KLHDC4: variants seen among roughly 807,000 people sequenced by gnomAD.
The protein encoded by KLHDC4 is kelch domain containing 4, also known as kelch domain-containing protein 4.
Under a neutral mutation model 62.4 loss-of-function variants are expected in KLHDC4, and 90 were observed. That is an observed-to-expected ratio of 1.44 (90% confidence interval 1.22 to 1.72). The LOEUF is 1.72. Among genes scored for constraint, KLHDC4 ranks in the 40% most tolerant of loss-of-function variants. The pLI, the probability that KLHDC4 is intolerant of heterozygous loss-of-function variation, is 0.00. For synonymous variants in KLHDC4, 386 were observed against 284.4 expected (o/e 1.36, Z -3.59); for missense variants, 1,025 against 699.7 (o/e 1.47, Z -5.25).
chr16:87,759,598 T>G (rs1479981579), intron 2 of KLHDC4, among the ~76,000 whole-genome samples: 1 of 151,836 alleles, frequency 6.6e-6, no homozygotes, highest in African/African-American at 2.4e-5. Context: ...AATACAAAAT[T>G]AGCCGGGCGT....
chr16:87,704,973 C>T (rs1290930887), downstream of KLHDC4, among the ~76,000 whole-genome samples: 2 of 152,110 alleles, frequency 1.3e-5, no homozygotes, highest in South Asian at 2.1e-4. Flanking sequence ...TAAAATCCCA[C>T]AAAGCCCTGC....
At position 87,749,582 on chromosome 16, in the gene KLHDC4, G is replaced by C. The variant is rs1278020066; in HGVS notation, c.370-773C>G. ...AAAAAAAAAAAAAAAGAAAGAAAGTGTTTATGTTTTTTCCTTTTAGAGACC... is the reference window on the plus strand; with the variant it reads ...AAAAAAAAAAAAAAAGAAAGAAAGTCTTTATGTTTTTTCCTTTTAGAGACC... On this transcript the variant is annotated intron_variant, in intron 4 of 11. Transcript: ENST00000270583. Among the ~76,000 whole-genome samples, 6 of 150,708 alleles carry C rather than the reference G, an allele frequency of 4.0e-5. No individual in the cohort carries two copies. The Admixed American group carries it at 4.0e-4, about 10-fold the overall frequency.
intron 9 of KLHDC4, chr16:87,709,908 G>C (rs566396539): frequency 3.6e-6 from 2 of 555,920 alleles, no homozygotes. Context: ...CCCCCACTGC[G>C]TGTCCTCACT....
intron 1 of KLHDC4, 45 bp from the exon 2 acceptor site, chr16:87,762,085 C>T (rs372193869): frequency 2.4e-5 from 38 of 1,602,166 alleles, no homozygotes; most frequent in Middle Eastern, 3.7e-4. Context: ...TCCCAGGACC[C>T]GCCGCGGAGC....
intron 4 of KLHDC4, among the ~76,000 whole-genome samples, chr16:87,753,698 G>T (rs2044386189): frequency 6.6e-6 from 1 of 152,100 alleles, no homozygotes. Context: ...CTACTTGGGA[G>T]GCTAAGGCAG....
intron 5 of KLHDC4, among the ~76,000 whole-genome samples, chr16:87,735,278 C>A (rs2041114829): frequency 1.5e-5 from 2 of 137,114 alleles, no homozygotes; most frequent in African/African-American, 2.7e-5. Flanking sequence ...CCAGCCTGGG[C>A]AACACAGCGA....
exon 1 of KLHDC4, chr16:87,700,770 G>A (rs2034106820): frequency 4.7e-6 from 1 of 214,674 alleles, no homozygotes; most frequent in Non-Finnish European, 8.9e-6. Flanking sequence ...GAGGAGATTG[G>A]AGGGCGGAGG....
rs2035271086 is a variant in KLHDC4 at position 87,709,183 on chromosome 16, G to A, written c.1447+82C>T. On this transcript the variant is annotated intron_variant, in intron 10 of 11. Coordinates refer to ENST00000270583, the MANE Select transcript of KLHDC4 (RefSeq NM_017566.4). ...GGCACAGGCCGCCTCTGGGCAGCTT[G>A]CAGGGCTTGCTTTCGAGGGACGCGA... is the stretch of plus-strand genomic sequence containing the variant. 5.3e-6 allele frequency: 8 copies of A among 1,516,378 alleles called. No homozygotes were observed. In the Admixed American group the frequency reaches 1.3e-4, roughly 24 times the overall value. The allele number at this position is 1,516,378 out of a possible 1,614,324, so 93.9% of individuals were successfully genotyped here.
At chr16:87,744,158 G>A (rs2042669209) in intron 5 of KLHDC4, among the ~76,000 whole-genome samples, 25 of 152,140 alleles carry the variant, frequency 1.6e-4, no homozygotes, top group Admixed American at 1.6e-3. Flanking sequence ...GCTCATGCCT[G>A]TAATCCCAGC....
chr16:87,746,919 G>A (rs1025995070), intron 5 of KLHDC4, among the ~76,000 whole-genome samples: 9 of 152,212 alleles, frequency 5.9e-5, no homozygotes, highest in Admixed American at 1.3e-4. Flanking sequence ...TCCAGACCCA[G>A]GGCAGCTGCC....
chr16:87,748,620 C>T lies in KLHDC4; in HGVS notation c.506+53G>A, dbSNP rs1332429611. The T allele has an allele frequency of 1.9e-6, 3 of 1,609,490 alleles. No individual in the cohort carries two copies. The East Asian group carries it at 6.7e-5, about 36-fold the overall frequency. On this transcript the variant is annotated intron_variant, in intron 5 of 11. Transcript: ENST00000270583. ...CTGCTCCGAGCACTCGGGCTCAGCACACAAGCACAGAAGAGCCATGCCCGG... is the reference window on the plus strand; with the variant it reads ...CTGCTCCGAGCACTCGGGCTCAGCATACAAGCACAGAAGAGCCATGCCCGG...
chr16:87,703,783 AGCTTCCGGCAGGGACT>A (rs1283023257), downstream of KLHDC4, among the ~76,000 whole-genome samples: 2 of 152,220 alleles, frequency 1.3e-5, no homozygotes, highest in Non-Finnish European at 2.9e-5. Context: ...ACAGTGTGTC[AGCTTCCGGCAGGGACT>A]GCTTGTGTGC....
intron 1 of KLHDC4, 50 bp from the exon 2 acceptor site, chr16:87,762,090 C>T (rs1454589603): frequency 5.0e-6 from 8 of 1,601,224 alleles, no homozygotes; most frequent in Admixed American, 1.7e-5. Flanking sequence ...GGACCCGCCG[C>T]GGAGCCACAG....
intron 2 of KLHDC4, among the ~76,000 whole-genome samples, chr16:87,761,304 T>A (rs886240160): frequency 1.1e-4 from 17 of 152,172 alleles, no homozygotes; most frequent in Non-Finnish European, 1.3e-4. Flanking sequence ...TGCGCCTCAT[T>A]AATGCAAACG....
Position 87,709,640 on chromosome 16 carries a change from T to G in KLHDC4, c.1072A>C (p.Arg358=). 2 of 1,605,222 alleles carry G rather than the reference T, an allele frequency of 1.2e-6. No individual in the cohort carries two copies. Among genetic ancestry groups the G allele is most frequent in the South Asian group, 1.1e-5 (1 of 90,100 alleles). ...TCGGGCTCCTCTTTTCTGCCCCGCCTGCGTTTCTTCTTTTCAGACTTGGGT... is the reference window on the plus strand; with the variant it reads ...TCGGGCTCCTCTTTTCTGCCCCGCCGGCGTTTCTTCTTTTCAGACTTGGGT... ...KGPKSEKKKR[R]RGRKEEPEGG... Residue 358 remains arginine, a synonymous_variant, in exon 10 of 12, where the codon AGG becomes CGG. Transcript: ENST00000270583.
chr16:87,765,200 C>T (rs746523785), intron 1 of KLHDC4: 1 of 456,050 alleles, frequency 2.2e-6, no homozygotes, highest in South Asian at 1.5e-5. Context: ...CTCCTGCAGA[C>T]CCCGGGCTGA....
At chr16:87,730,941 C>G (rs2040241256) in intron 5 of KLHDC4, 1 of 225,546 alleles carries the variant, frequency 4.4e-6, no homozygotes, top group African/African-American at 2.3e-5. Flanking sequence ...ACATAAAAAA[C>G]TTCAAAAATA....
At position 87,709,571 on chromosome 16, in the gene KLHDC4, G is replaced by A. The variant is rs757279606; in HGVS notation, c.1141C>T (p.Pro381Ser). The A allele has an allele frequency of 1.2e-6, 2 of 1,612,932 alleles. No homozygotes were observed. Among genetic ancestry groups the A allele is most frequent in the Non-Finnish European group, 1.7e-6 (2 of 1,179,936 alleles). ...PACGGAGTQGPVQLVKEVVAE... is the reference protein window; with the variant it reads ...PACGGAGTQGSVQLVKEVVAE... ...ACCACCTCCTTGACCAGCTGCACAGGCCCCTGGGTGCCAGCTCCCCCACAC... is the reference window on the plus strand; with the variant it reads ...ACCACCTCCTTGACCAGCTGCACAGACCCCTGGGTGCCAGCTCCCCCACAC... The change falls in exon 10 of 12, where the codon CCT (proline) becomes TCT (serine). Residue 381 changes from proline to serine, a missense_variant. Pro to Ser is a moderately conservative substitution (Grantham distance 74). Coordinates refer to ENST00000270583, the MANE Select transcript of KLHDC4 (RefSeq NM_017566.4).
At chr16:87,703,275 G>A (rs1308837432), downstream of KLHDC4, 2 of 152,118 alleles carry the variant, frequency 1.3e-5, no homozygotes, top group Admixed American at 6.5e-5. Flanking sequence ...GGCGTCCCCG[G>A]GTCAGCGCGC....
Sources: gnomAD v4.1 joint callset for allele counts (sites outside exome capture counted in the v4.1 genomes callset) on GRCh38, gnomAD v4.1.1 for gene constraint, MANE v1.5 for transcripts, NCBI Gene and HGNC (gene_info 2026-07-23, HGNC 2026-07-21) for gene names.